The following BCAS3 variants were observed in gnomAD, a reference collection of about 807,000 sequenced individuals.
BCAS3 encodes the protein BCAS4/BCAS3 fusion.
BCAS3 carries 53 observed loss-of-function variants against 116.1 expected under a neutral mutation model. The observed-to-expected ratio is 0.46, with a 90% CI of 0.37 to 0.57. BCAS3 has a LOEUF of 0.57. Ranked by LOEUF, BCAS3 falls within the 20% of genes least tolerant of loss-of-function variation. BCAS3 has a pLI of 0.00. For synonymous variants in BCAS3, 391 were observed against 408.2 expected (o/e 0.96, Z 0.51); for missense variants, 917 against 1,165.4 (o/e 0.79, Z 3.10).
intron 15 of BCAS3, among the ~76,000 whole-genome samples, chr17:60,998,488 C>A (rs556099663): frequency 3.9e-5 from 6 of 152,316 alleles, no homozygotes; most frequent in African/African-American, 9.6e-5. Flanking sequence ...ATTCTATTTT[C>A]TCTGCAGCCT....
chr17:61,192,402 T>C (rs1369257278), intron 22 of BCAS3, among the ~76,000 whole-genome samples: 1 of 152,110 alleles, frequency 6.6e-6, no homozygotes, highest in Non-Finnish European at 1.5e-5. Context: ...AACTTGAGTG[T>C]TGAGCAGAGT....
chr17:61,181,143 C>T lies in BCAS3; in HGVS notation c.2425+96579C>T, dbSNP rs548141922. On this transcript the variant is annotated intron_variant, in intron 22 of 23. Transcript: ENST00000407086. This position sits in a 1 kb window ranked among gnomAD's most constrained non-coding sequence, Gnocchi z 5.0. ...CAGGAGCTGGGAGGATCACTTGACCCTAGGAACTCGAGGCTGCATTGAGCT... is the reference window on the plus strand; with the variant it reads ...CAGGAGCTGGGAGGATCACTTGACCTTAGGAACTCGAGGCTGCATTGAGCT... 6.6e-6 allele frequency among the ~76,000 whole-genome samples: 1 copy of T among 152,268 alleles called. No individual in the cohort carries two copies. The highest frequency in any genetic ancestry group is 1.9e-4 in the East Asian group (1 of 5,172).
Position 60,993,220 on chromosome 17 carries a change from T to G in BCAS3, c.1486+2985T>G, listed in dbSNP as rs2063641501. Among the ~76,000 whole-genome samples the G allele has an allele frequency of 6.6e-6, 1 of 152,198 alleles. No individual in the cohort carries two copies. The highest frequency in any genetic ancestry group is 1.5e-5 in the Non-Finnish European group (1 of 68,022). ...ATGACTGTGAACAAATACCTTTCAA[T>G]ATACTTTTGTTGAAGGTTGCAAAGT... On this transcript the variant is annotated intron_variant, in intron 15 of 23. Transcript: ENST00000407086. This position sits in a 1 kb window ranked among gnomAD's most constrained non-coding sequence, Gnocchi z 4.2.
intron 22 of BCAS3, among the ~76,000 whole-genome samples, chr17:61,319,331 C>T (rs941610345): frequency 1.2e-4 from 18 of 152,094 alleles, no homozygotes; most frequent in African/African-American, 4.1e-4. Context: ...ATGACACCCC[C>T]TACATTAAAC....
intron 5 of BCAS3, among the ~76,000 whole-genome samples, chr17:60,741,047 A>C (rs950965321): frequency 2.0e-5 from 3 of 152,196 alleles, no homozygotes; most frequent in African/African-American, 7.2e-5. Context: ...GTCCACATTG[A>C]ACCTCTAGAA....
intron 22 of BCAS3, among the ~76,000 whole-genome samples, chr17:61,120,800 TTCTC>T (rs774415223): frequency 1.3e-5 from 2 of 152,138 alleles, no homozygotes; most frequent in African/African-American, 4.8e-5. Flanking sequence ...CATGTTAAAT[TTCTC>T]TATCTCATTT....
chr17:60,889,599 G>A (rs2056996000), intron 9 of BCAS3, 96 bp from the exon 10 acceptor site: 2 of 972,312 alleles, frequency 2.1e-6, no homozygotes, highest in South Asian at 2.9e-5. Context: ...AAAAATATAA[G>A]CATTTGATTT....
chr17:61,366,975 CG>C lies in BCAS3; in HGVS notation c.2426-1350del, dbSNP rs1383927855. 6.6e-6 allele frequency among the ~76,000 whole-genome samples: 1 copy of C among 152,208 alleles called. No individual in the cohort carries two copies. Among genetic ancestry groups the C allele is most frequent in the Non-Finnish European group, 1.5e-5 (1 of 68,046 alleles). ...CACCGGCTGTCGGAGTGTTTACTAA[CG>C]GTTATCACCTCAATGCTGTGGCCAT... On this transcript the variant is annotated intron_variant, in intron 22 of 23. Coordinates refer to ENST00000407086, the MANE Select transcript of BCAS3 (RefSeq NM_017679.5). This position sits in a 1 kb window ranked among gnomAD's most constrained non-coding sequence, Gnocchi z 4.5.
intron 5 of BCAS3, among the ~76,000 whole-genome samples, chr17:60,715,392 C>T (rs2038469425): frequency 6.6e-6 from 1 of 151,372 alleles, no homozygotes; most frequent in South Asian, 2.1e-4. Context: ...CTGCCTAGAC[C>T]TCCCAACGTG....
At chr17:61,003,148 C>T (rs893784753) in intron 15 of BCAS3, among the ~76,000 whole-genome samples, 2 of 151,412 alleles carry the variant, frequency 1.3e-5, no homozygotes, top group Non-Finnish European at 2.9e-5. Context: ...TACATTGAGC[C>T]CCTAATCTTC....
intron 5 of BCAS3, among the ~76,000 whole-genome samples, chr17:60,739,285 T>A (rs1346844179): frequency 6.6e-6 from 1 of 152,198 alleles, no homozygotes; most frequent in Non-Finnish European, 1.5e-5. Flanking sequence ...TTATTGCTAT[T>A]ATTTTGAACA....
intron 22 of BCAS3, among the ~76,000 whole-genome samples, chr17:61,179,954 CA>C (rs2079386740): frequency 7.0e-6 from 1 of 142,308 alleles, no homozygotes; most frequent in South Asian, 2.2e-4. Context: ...GAGACACTTT[CA>C]GCAGGATATT....
intron 11 of BCAS3, among the ~76,000 whole-genome samples, chr17:60,906,331 T>C (rs1384934003): frequency 1.3e-5 from 2 of 152,216 alleles, no homozygotes; most frequent in African/African-American, 4.8e-5. Context: ...TCTTGAATAA[T>C]AATCCAATTT....
chr17:61,120,511 A>G (rs890973501), intron 22 of BCAS3, among the ~76,000 whole-genome samples: 1 of 152,032 alleles, frequency 6.6e-6, no homozygotes, highest in African/African-American at 2.4e-5. Context: ...TTAACTCCTT[A>G]TTATGAAACA....
At chr17:60,847,930 G>A (rs527263679) in intron 7 of BCAS3, among the ~76,000 whole-genome samples, 1 of 152,240 alleles carries the variant, frequency 6.6e-6, no homozygotes, top group Non-Finnish European at 1.5e-5. Context: ...TCAAGGTCAG[G>A]AAGATTTACC....
At chr17:61,284,503 C>T (rs963942496) in intron 22 of BCAS3, among the ~76,000 whole-genome samples, 1 of 152,180 alleles carries the variant, frequency 6.6e-6, no homozygotes, top group African/African-American at 2.4e-5. Flanking sequence ...ACACTCATCG[C>T]GAGGGTCCGC....
rs11311858 is a variant in BCAS3 at position 61,198,132 on chromosome 17, G to GTTTTTTTTTTTTTTTTTTTTTTTT, written c.2425+113580_2425+113581insTTTTTTTTTTTTTTTTTTTTTTTT. ...GCGATTAAGATAAAGTGCAAGATAT[G>GTTTTTTTTTTTTTTTTTTTTTTTT]TTTTTTTTTTTTCTTTTTTTTTTTT... On this transcript the variant is annotated intron_variant, in intron 22 of 23. Transcript: ENST00000407086. This position sits in a 1 kb window ranked among gnomAD's most constrained non-coding sequence, Gnocchi z 5.0. 7.0e-6 allele frequency among the ~76,000 whole-genome samples: 1 copy of GTTTTTTTTTTTTTTTTTTTTTTTT among 143,654 alleles called. No homozygotes were observed. The allele number at this position is 143,654 out of a possible 152,430, so 94.2% of individuals were successfully genotyped here. A position where few individuals can be genotyped will look rare whatever the true frequency, so the allele number is the denominator to read the frequency against.
At chr17:60,804,364 C>T (rs558329017) in intron 6 of BCAS3, among the ~76,000 whole-genome samples, 1 of 151,732 alleles carries the variant, frequency 6.6e-6, no homozygotes, top group Admixed American at 6.6e-5. Flanking sequence ...GCCTGTAATC[C>T]CACCTACTCA....
chr17:60,850,558 C>T (rs928548689), intron 7 of BCAS3, among the ~76,000 whole-genome samples: 5 of 151,904 alleles, frequency 3.3e-5, no homozygotes, highest in African/African-American at 1.2e-4. Context: ...GGGGTTTCAT[C>T]ATATTGGTCA....
Sources: gnomAD v4.1 joint callset for allele counts (sites outside exome capture counted in the v4.1 genomes callset) on GRCh38, gnomAD v4.1.1 for gene constraint, Gnocchi (gnomAD v3.1) non-coding constraint, MANE v1.5 for transcripts, NCBI Gene and HGNC (gene_info 2026-07-23, HGNC 2026-07-21) for gene names.